MAP4K1: variants seen among roughly 807,000 people sequenced by gnomAD.
MAP4K1 encodes mitogen-activated protein kinase kinase kinase kinase 1.
MAP4K1 carries 35 observed loss-of-function variants against 122.8 expected under a neutral mutation model. The observed-to-expected ratio is 0.29, with a 90% CI of 0.22 to 0.38. MAP4K1 has a LOEUF of 0.38. MAP4K1 is among the 10% of genes least tolerant of loss of function. The pLI, the probability that MAP4K1 is intolerant of heterozygous loss-of-function variation, is 1.00. For synonymous variants in MAP4K1, 412 were observed against 421.3 expected, an observed-to-expected ratio of 0.98 and a Z score of 0.27; for missense variants, 791 against 1,072.6, an observed-to-expected ratio of 0.74 and a Z score of 3.67.
At chr19:38,593,362 A>G (rs753834217) in intron 29 of MAP4K1, 25 bp from the exon 30 acceptor site, 54 of 1,588,468 alleles carry the variant, frequency 3.4e-5, no homozygotes, top group Non-Finnish European at 4.6e-5. Flanking sequence ...TGTGTGTCTC[A>G]GTGCCTGGAA....
chr19:38,602,858 ATATATACACATGTACATATATACT>A (rs1311529363), intron 19 of MAP4K1, among the ~76,000 whole-genome samples: 13 of 149,070 alleles, frequency 8.7e-5, no homozygotes, highest in East Asian at 8.2e-4. Context: ...ACACATATAC[ATATATACACATGTACATATATACT>A]TATATACACA....
intron 10 of MAP4K1, 49 bp from the exon 11 acceptor site, chr19:38,611,181 C>G: frequency 6.3e-7 from 1 of 1,598,862 alleles, no homozygotes. Flanking sequence ...GAAACCCTCC[C>G]ATCAGGCCAC....
chr19:38,587,861 G>A, intron 30 of MAP4K1, 44 bp from the exon 31 acceptor site: 1 of 1,424,844 alleles, frequency 7.0e-7, no homozygotes, highest in Non-Finnish European at 9.9e-7. Flanking sequence ...TCATTCATAT[G>A]TTCATTGATT....
chr19:38,610,342 A>T (rs1311561044), intron 11 of MAP4K1, among the ~76,000 whole-genome samples: 1 of 136,096 alleles, frequency 7.3e-6, no homozygotes, highest in African/African-American at 2.8e-5. Context: ...AGTGGCTGTG[A>T]TTACAGGCTC....
intron 4 of MAP4K1, among the ~76,000 whole-genome samples, chr19:38,615,595 G>C (rs1239006184): frequency 1.3e-5 from 2 of 152,014 alleles, no homozygotes; most frequent in Non-Finnish European, 2.9e-5. Context: ...GACAGACAGA[G>C]AGAGGCCGTC....
At position 38,593,646 on chromosome 19, in the gene MAP4K1, G is replaced by A. The variant is rs17847688; in HGVS notation, c.2341-309C>T. Among the ~76,000 whole-genome samples, 24 of 152,352 alleles carry A rather than the reference G, an allele frequency of 1.6e-4. No homozygotes were observed. The East Asian group carries it at 4.4e-3, about 28-fold the overall frequency. On this transcript the variant is annotated intron_variant, in intron 29 of 30. Coordinates refer to ENST00000396857, the MANE Select transcript of MAP4K1 (RefSeq NM_001042600.3). ...GAACCCGGGAGGCAGAAATTGCATT[G>A]AGCTGAGATTGCGCCACTGGGCGTG...
In MAP4K1 at chr19:38,613,971, A is replaced by G. The variant is rs767246086; in HGVS notation, c.461-19T>C. On this transcript the variant is annotated intron_variant, in intron 7 of 30. Coordinates refer to ENST00000396857, the MANE Select transcript of MAP4K1 (RefSeq NM_001042600.3). ...AAGTCAGCTGGAAGCAGAGGGAGAC[A>G]TAGTGATCTGGGGTCCACTGCGCTT... 2.2e-5 allele frequency: 36 copies of G among 1,613,786 alleles called. No homozygotes were observed. Among genetic ancestry groups the G allele is most frequent in the Admixed American group, 5.0e-5 (3 of 59,996 alleles).
chr19:38,602,870 GTACATATA>G lies in MAP4K1; in HGVS notation c.1447-1353_1447-1346del, dbSNP rs977858536. Among the ~76,000 whole-genome samples, 26 of 97,012 alleles carry G rather than the reference GTACATATA, an allele frequency of 2.7e-4. No individual in the cohort carries two copies. In the Admixed American group the frequency reaches 2.7e-3, roughly 10 times the overall value. The allele number at this position is 97,012 out of a possible 152,430, so 63.6% of individuals were successfully genotyped here. On this transcript the variant is annotated intron_variant, in intron 19 of 30. Coordinates refer to ENST00000396857, the MANE Select transcript of MAP4K1 (RefSeq NM_001042600.3). ...TATACACATATACATATATACACAT[GTACATATA>G]TACTTATATACACATGTACATATAT... is the stretch of plus-strand genomic sequence containing the variant.
At chr19:38,602,944 A>G (rs1012642697) in intron 19 of MAP4K1, among the ~76,000 whole-genome samples, 2 of 142,936 alleles carry the variant, frequency 1.4e-5, no homozygotes, top group African/African-American at 5.1e-5. Context: ...ATATACACAT[A>G]CATATATACA....
rs746303247 is a variant in MAP4K1, at chr19:38,601,511, G to A, written c.1461C>T (p.Leu487=). 1.2e-5 allele frequency: 20 copies of A among 1,607,882 alleles called. No individual in the cohort carries two copies. Among genetic ancestry groups the A allele is most frequent in the African/African-American group, 6.7e-5 (5 of 74,786 alleles). Residue 487 remains leucine (L), a synonymous_variant, in exon 20 of 31, where the codon CTC becomes CTT. Coordinates refer to ENST00000396857, the MANE Select transcript of MAP4K1 (RefSeq NM_001042600.3). ...EKMKRKGCAL[L]VKLFNGCPLR... is the part of the protein sequence containing the mutation. ...GGGGGCAGCCATTGAACAACTTTAC[G>A]AGAAGGGCACATCCCTGGGCAGGTC... is the stretch of plus-strand genomic sequence containing the variant.
Position 38,617,486 on chromosome 19 carries a change from G to T in MAP4K1, c.158-42C>A. ...AGAGAAAAGGCAGCTCGCATGGGGA[G>T]AGAGCTACAGGGGAGGTGATCCCAG... On this transcript the variant is annotated intron_variant, in intron 2 of 30. Transcript: ENST00000396857. This position sits in a 1 kb window ranked among gnomAD's most constrained non-coding sequence, Gnocchi z 4.1. 2 of 1,599,552 alleles carry T rather than the reference G, an allele frequency of 1.3e-6. No homozygotes were observed. Among genetic ancestry groups the T allele is most frequent in the Non-Finnish European group, 1.7e-6 (2 of 1,166,766 alleles).
At position 38,617,390 on chromosome 19, in the gene MAP4K1, T is replaced by C. The variant is rs770226001; in HGVS notation, c.212A>G (p.His71Arg). Residue 71 changes from histidine to arginine, a missense_variant, in exon 3 of 31, where the codon CAC becomes CGC. Coordinates refer to ENST00000396857, the MANE Select transcript of MAP4K1 (RefSeq NM_001042600.3). The surrounding 1 kb of genome is among the most constrained non-coding windows in gnomAD (Gnocchi z 4.1). The stretch of plus-strand genomic sequence containing the variant: ...CCCATGGTAGGCCACGATGTTGGCG[T>C]GCCGGCAAGTTTTCAATATGAGGAT... ...KEILILKTCR[H>R]ANIVAYHGSY... 1 of 1,613,940 alleles carries C rather than the reference T, an allele frequency of 6.2e-7. No individual in the cohort carries two copies. Among genetic ancestry groups the C allele is most frequent in the Non-Finnish European group, 8.5e-7 (1 of 1,179,994 alleles).
At position 38,595,708 on chromosome 19, in the gene MAP4K1, G is replaced by A. The variant is rs990315025; in HGVS notation, c.2201C>T (p.Pro734Leu). 51 of 1,605,950 alleles carry A rather than the reference G, an allele frequency of 3.2e-5. No homozygotes were observed. The highest frequency in any genetic ancestry group is 4.2e-5 in the Non-Finnish European group (50 of 1,177,026). ...AAGTCCCCGGACTGGGGACCCCTCCGGGGTCACCAGCTTCACAGAGCCTGG... is the reference window on the plus strand; with the variant it reads ...AAGTCCCCGGACTGGGGACCCCTCCAGGGTCACCAGCTTCACAGAGCCTGG... ...LMDGSVKLVT[P>L]EGSPVRGLRT... The change falls in exon 28 of 31, where the codon CCG becomes CTG. Residue 734 changes from proline to leucine, a missense_variant. Pro to Leu is a moderately conservative substitution (Grantham distance 98). Transcript: ENST00000396857.
chr19:38,612,333 T>G (rs1250710701), intron 9 of MAP4K1, among the ~76,000 whole-genome samples: 1 of 151,234 alleles, frequency 6.6e-6, no homozygotes, highest in Non-Finnish European at 1.5e-5. Context: ...GGCAGGAAAA[T>G]AGCTTGAACC....
chr19:38,590,419 AT>A lies in MAP4K1; in HGVS notation c.2397-2603del, dbSNP rs1707292078. Among the ~76,000 whole-genome samples, 10 of 103,418 alleles carry A rather than the reference AT, an allele frequency of 9.7e-5. 1 individual carries two copies. The highest frequency in any genetic ancestry group is 3.1e-4 in the African/African-American group (9 of 28,684). 67.8% of individuals were successfully genotyped at this position (103,418 alleles called of 152,430 possible). A position where few individuals can be genotyped will look rare whatever the true frequency, so the allele number is the denominator to read the frequency against. On this transcript the variant is annotated intron_variant, in intron 30 of 30. Transcript: ENST00000396857. ...AATATATATATATATATATATATAT[AT>A]ATATATATATATATATAATCACGGG... is the stretch of plus-strand genomic sequence containing the variant.
intron 30 of MAP4K1, among the ~76,000 whole-genome samples, chr19:38,588,324 A>G (rs1018794841): frequency 6.6e-6 from 1 of 152,164 alleles, no homozygotes; most frequent in Non-Finnish European, 1.5e-5. Flanking sequence ...CCCTTCTGGC[A>G]TGTCAAAAGG....
chr19:38,593,578 C>G (rs55683383), intron 29 of MAP4K1, among the ~76,000 whole-genome samples: 1 of 152,198 alleles, frequency 6.6e-6, no homozygotes, highest in Non-Finnish European at 1.5e-5. Context: ...TGGTGCGCGC[C>G]TATAGTCCCA....
At position 38,617,427 on chromosome 19, in the gene MAP4K1, G is replaced by A; in HGVS notation, c.175C>T (p.Leu59Phe). The A allele has an allele frequency of 6.2e-7, 1 of 1,613,250 alleles. No individual in the cohort carries two copies. ...TTCAATATGAGGATTTCCTTCTGAA[G>A]GGTGGAGACATCATCATCTGTGAGG... ...KMEPDDDVSTLQKEILILKTC... is the reference protein window; with the variant it reads ...KMEPDDDVSTFQKEILILKTC... Residue 59 changes from leucine to phenylalanine, a missense_variant, in exon 3 of 31, where the codon CTT becomes TTT. This residue lies in a region of MAP4K1 where 163 missense variants were observed against 286.1 expected (regional missense o/e 0.57). Coordinates refer to ENST00000396857, the MANE Select transcript of MAP4K1 (RefSeq NM_001042600.3). The surrounding 1 kb of genome is among the most constrained non-coding windows in gnomAD (Gnocchi z 4.1).
At chr19:38,613,493 C>T (rs938646743) in intron 8 of MAP4K1, among the ~76,000 whole-genome samples, 16 of 151,786 alleles carry the variant, frequency 1.1e-4, no homozygotes, top group Admixed American at 1.1e-3. Context: ...CCACTGCAAT[C>T]CAGCCTGGGC....
Sources: allele counts gnomAD v4.1 joint callset (sites outside exome capture counted in the v4.1 genomes callset), GRCh38; gene constraint gnomAD v4.1.1; regional missense constraint gnomAD v4.1.1; non-coding constraint Gnocchi (gnomAD v3.1); transcripts MANE v1.5; gene names NCBI Gene and HGNC (gene_info 2026-07-23, HGNC 2026-07-21).